NOS1AP: variants seen among roughly 807,000 people sequenced by gnomAD.
The protein encoded by NOS1AP is carboxyl-terminal PDZ ligand of neuronal nitric oxide synthase protein.
Under a neutral mutation model 56.2 loss-of-function variants are expected in NOS1AP, and 21 were observed. The observed-to-expected ratio is 0.37, with a 90% confidence interval of 0.26 to 0.54. NOS1AP has a LOEUF of 0.54. Ranked by LOEUF, NOS1AP falls within the 20% of genes least tolerant of loss-of-function variation. NOS1AP has a pLI of 0.84. For synonymous variants in NOS1AP, 270 were observed against 274.6 expected, an observed-to-expected ratio of 0.98 and a Z score of 0.17; for missense variants, 522 against 657.8, an observed-to-expected ratio of 0.79 and a Z score of 2.26.
intron 2 of NOS1AP, among the ~76,000 whole-genome samples, chr1:162,165,428 G>A (rs572592221): frequency 7.2e-5 from 11 of 152,322 alleles, no homozygotes; most frequent in Admixed American, 5.9e-4. Flanking sequence ...CGGGCTCCAT[G>A]CAAAGCACTT....
intron 3 of NOS1AP, among the ~76,000 whole-genome samples, chr1:162,295,073 T>G (rs1655410806): frequency 1.3e-5 from 2 of 152,332 alleles, no homozygotes; most frequent in South Asian, 2.1e-4. Flanking sequence ...CCCAGTCCTG[T>G]GGGTTCCCTG....
At chr1:162,254,201 T>C (rs1653953375) in intron 2 of NOS1AP, among the ~76,000 whole-genome samples, 1 of 152,232 alleles carries the variant, frequency 6.6e-6, no homozygotes, top group South Asian at 2.1e-4. Flanking sequence ...AGATTCTTGG[T>C]CAATGCCTAT....
chr1:162,287,013 T>C (rs1655107194), intron 2 of NOS1AP, among the ~76,000 whole-genome samples: 1 of 152,248 alleles, frequency 6.6e-6, no homozygotes, highest in Non-Finnish European at 1.5e-5. Flanking sequence ...AATACTTGCC[T>C]GACCGTGGAA....
At chr1:162,122,495 T>A (rs1027354268) in intron 1 of NOS1AP, among the ~76,000 whole-genome samples, 1 of 147,222 alleles carries the variant, frequency 6.8e-6, no homozygotes, top group Non-Finnish European at 1.5e-5. Flanking sequence ...GAGAGAATGA[T>A]ATAATGAATC....
intron 2 of NOS1AP, among the ~76,000 whole-genome samples, chr1:162,222,081 C>T (rs1652801744): frequency 6.6e-6 from 1 of 152,148 alleles, no homozygotes; most frequent in African/African-American, 2.4e-5. Flanking sequence ...TTTCCTTGCT[C>T]TCTCTGGATT....
intron 9 of NOS1AP, among the ~76,000 whole-genome samples, chr1:162,366,073 C>A (rs1207935978): frequency 1.3e-5 from 2 of 152,190 alleles, no homozygotes; most frequent in African/African-American, 4.8e-5. Context: ...GCAGTGGAAT[C>A]TGGCTGCACT....
At chr1:162,172,980 G>C (rs1019362307) in intron 2 of NOS1AP, among the ~76,000 whole-genome samples, 1 of 151,272 alleles carries the variant, frequency 6.6e-6, no homozygotes, top group Non-Finnish European at 1.5e-5. Flanking sequence ...GGAGTGTAGT[G>C]GCGCAATCTT....
At chr1:162,217,267 C>CCTTTTTTTTTTTTT (rs1652603669) in intron 2 of NOS1AP, among the ~76,000 whole-genome samples, 7 of 68,368 alleles carry the variant, frequency 1.0e-4, no homozygotes, top group African/African-American at 3.5e-4. Context: ...CTGTTGTTAG[C>CCTTTTTTTTTTTTT]TTTTTTTTTT....
chr1:162,275,147 G>C (rs532266332), intron 2 of NOS1AP, among the ~76,000 whole-genome samples: 1 of 151,992 alleles, frequency 6.6e-6, no homozygotes, highest in Non-Finnish European at 1.5e-5. Context: ...ATAAACCCAG[G>C]TCACAAAGTT....
intron 2 of NOS1AP, among the ~76,000 whole-genome samples, chr1:162,226,611 G>T (rs929274870): frequency 6.6e-6 from 1 of 152,284 alleles, no homozygotes; most frequent in East Asian, 1.9e-4. Context: ...TAATTTGGGG[G>T]CATCAGGAAG....
intron 2 of NOS1AP, among the ~76,000 whole-genome samples, chr1:162,223,935 T>A (rs1405596270): frequency 6.6e-6 from 1 of 152,192 alleles, no homozygotes; most frequent in Admixed American, 6.5e-5. Flanking sequence ...CACCTTTCAC[T>A]CTTGCCTGGA....
chr1:162,219,877 G>T (rs1424268542), intron 2 of NOS1AP, among the ~76,000 whole-genome samples: 1 of 152,162 alleles, frequency 6.6e-6, no homozygotes, highest in Non-Finnish European at 1.5e-5. Flanking sequence ...TATCCCCTAG[G>T]AAAGAGTTAA....
At chr1:162,366,155 G>T (rs955897644) in intron 9 of NOS1AP, among the ~76,000 whole-genome samples, 2 of 152,184 alleles carry the variant, frequency 1.3e-5, no homozygotes, top group African/African-American at 2.4e-5. Context: ...GTACCCCTGG[G>T]CTGGGCTGGG....
At chr1:162,081,775 T>TATATATA (rs1553254645) in intron 1 of NOS1AP, among the ~76,000 whole-genome samples, 2 of 19,520 alleles carry the variant, frequency 1.0e-4, no homozygotes, top group Admixed American at 9.2e-4. Context: ...TATATATATA[T>TATATATA]TTTTTTTTTG....
intron 2 of NOS1AP, among the ~76,000 whole-genome samples, chr1:162,275,931 A>G (rs1230305291): frequency 6.6e-6 from 1 of 152,214 alleles, no homozygotes; most frequent in Non-Finnish European, 1.5e-5. Context: ...AGGAGTTGGC[A>G]AACCATGGCT....
intron 2 of NOS1AP, among the ~76,000 whole-genome samples, chr1:162,240,996 A>T (rs1653474244): frequency 6.6e-6 from 1 of 152,214 alleles, no homozygotes; most frequent in South Asian, 2.1e-4. Context: ...AAGGATGAGT[A>T]GAGGCTGAAA....
chr1:162,166,747 T>A (rs1650515916), intron 2 of NOS1AP, among the ~76,000 whole-genome samples: 1 of 152,166 alleles, frequency 6.6e-6, no homozygotes, highest in Admixed American at 6.5e-5. Context: ...CTGTTAGAAG[T>A]AAATGCAATA....
chr1:162,259,559 T>C (rs903593846), intron 2 of NOS1AP, among the ~76,000 whole-genome samples: 2 of 152,240 alleles, frequency 1.3e-5, no homozygotes, highest in African/African-American at 4.8e-5. Context: ...GATTTGGTTT[T>C]TATATTTTGT....
chr1:162,113,387 T>G (rs549834261), intron 1 of NOS1AP, among the ~76,000 whole-genome samples: 2 of 152,248 alleles, frequency 1.3e-5, no homozygotes, highest in South Asian at 4.2e-4. Context: ...GAATGTGTTG[T>G]CGGGCAAAGG....
Sources: gnomAD v4.1 joint callset for allele counts (sites outside exome capture counted in the v4.1 genomes callset) on GRCh38, gnomAD v4.1.1 for gene constraint, MANE v1.5 for transcripts, NCBI Gene and HGNC (gene_info 2026-07-23, HGNC 2026-07-21) for gene names.